PCCA: variants seen among roughly 807,000 people sequenced by gnomAD.
PCCA encodes propionyl-CoA carboxylase subunit alpha, also known as propionyl-CoA carboxylase alpha chain, mitochondrial.
PCCA carries 74 observed loss-of-function variants against 101.3 expected under a neutral mutation model. The observed-to-expected ratio is 0.73, with a 90% CI of 0.61 to 0.89. The LOEUF (loss-of-function observed/expected upper bound fraction) is 0.89. Ranked by LOEUF, PCCA falls within the 40% of genes least tolerant of loss-of-function variation. The pLI is 0.00. For synonymous variants in PCCA, 294 were observed against 313.6 expected (o/e 0.94, Z 0.66); for missense variants, 891 against 907.0 (o/e 0.98, Z 0.23).
chr13:100,286,014 C>G (rs1000526882), intron 12 of PCCA, among the ~76,000 whole-genome samples: 2 of 152,274 alleles, frequency 1.3e-5, no homozygotes, highest in East Asian at 3.9e-4. Context: ...ATGCCAGCAA[C>G]TCTTCTACAA....
chr13:100,369,936 T>G (rs1386811656), intron 19 of PCCA, among the ~76,000 whole-genome samples: 2 of 152,010 alleles, frequency 1.3e-5, no homozygotes, highest in Non-Finnish European at 2.9e-5. Flanking sequence ...AAATGTAGAG[T>G]TTAGCATAAT....
chr13:100,450,521 T>G (rs1257256286), intron 21 of PCCA, among the ~76,000 whole-genome samples: 1 of 152,218 alleles, frequency 6.6e-6, no homozygotes, highest in Non-Finnish European at 1.5e-5. Context: ...TCATGTCCTT[T>G]GGGTACCTCA....
chr13:100,527,519 A>G (rs2087944930), intron 22 of PCCA, among the ~76,000 whole-genome samples, 156 bp from the exon 23 acceptor site: 1 of 152,186 alleles, frequency 6.6e-6, no homozygotes, highest in Non-Finnish European at 1.5e-5. Flanking sequence ...CTGTTCCTAA[A>G]GATGAGCTTG....
intron 20 of PCCA, among the ~76,000 whole-genome samples, chr13:100,437,065 A>G (rs1029289706): frequency 7.2e-5 from 11 of 152,150 alleles, no homozygotes; most frequent in African/African-American, 2.7e-4. Context: ...AGTATCACCT[A>G]TTGACAAGTG....
rs368248537 is a variant in PCCA at position 100,309,930 on chromosome 13, C to T, written c.1429+22C>T. 136 of 1,563,684 alleles carry T rather than the reference C, an allele frequency of 8.7e-5. 1 individual carries two copies. In the African/African-American group the frequency reaches 1.5e-3, roughly 18 times the overall value. On this transcript the variant is annotated intron_variant, in intron 16 of 23. Coordinates refer to ENST00000376285, the MANE Select transcript of PCCA (RefSeq NM_000282.4). ...CGAGGTAAAAACAAAGATTTGCACT[C>T]GTTGGTTATTGTATATGGTGTCCAG...
intron 21 of PCCA, among the ~76,000 whole-genome samples, chr13:100,493,217 A>C (rs1203248670): frequency 6.6e-6 from 1 of 152,226 alleles, no homozygotes; most frequent in East Asian, 1.9e-4. Flanking sequence ...GGGTTTGAGC[A>C]CGTGTCGGCC....
chr13:100,224,017 G>A (rs2059982066), intron 7 of PCCA, among the ~76,000 whole-genome samples: 1 of 152,258 alleles, frequency 6.6e-6, no homozygotes, highest in Non-Finnish European at 1.5e-5. Context: ...GGCTGCAGGT[G>A]GAGCTGCCTG....
intron 14 of PCCA, among the ~76,000 whole-genome samples, chr13:100,303,833 G>A (rs1211801535): frequency 6.6e-6 from 1 of 152,078 alleles, no homozygotes; most frequent in African/African-American, 2.4e-5. Flanking sequence ...CCCTTTCTGT[G>A]CTTGGAGACT....
intron 4 of PCCA, among the ~76,000 whole-genome samples, chr13:100,117,331 A>G (rs979574416): frequency 1.3e-5 from 2 of 152,224 alleles, no homozygotes; most frequent in African/African-American, 4.8e-5. Context: ...GTTATATACC[A>G]GTATAACGGT....
At chr13:100,322,137 G>C (rs555621620) in intron 16 of PCCA, among the ~76,000 whole-genome samples, 1 of 152,292 alleles carries the variant, frequency 6.6e-6, no homozygotes, top group East Asian at 1.9e-4. Flanking sequence ...TCAGCCTCAT[G>C]AGGTCATTCA....
intron 8 of PCCA, among the ~76,000 whole-genome samples, chr13:100,254,633 G>A (rs548856947): frequency 6.6e-6 from 1 of 152,246 alleles, no homozygotes; most frequent in East Asian, 1.9e-4. Context: ...TTATCTGTGT[G>A]GATTATTCTT....
At chr13:100,273,036 A>G (rs2063401451) in intron 11 of PCCA, among the ~76,000 whole-genome samples, 160 bp from the exon 12 acceptor site, 1 of 152,248 alleles carries the variant, frequency 6.6e-6, no homozygotes, top group Non-Finnish European at 1.5e-5. Flanking sequence ...TATAGTCAAC[A>G]TATATTATAA....
intron 1 of PCCA, among the ~76,000 whole-genome samples, chr13:100,100,631 C>A (rs1208699008): frequency 6.6e-6 from 1 of 152,054 alleles, no homozygotes; most frequent in African/African-American, 2.4e-5. Context: ...TGACCTGATT[C>A]TTCATTTTTG....
intron 14 of PCCA, among the ~76,000 whole-genome samples, chr13:100,304,448 C>T (rs1250413743): frequency 6.6e-6 from 1 of 152,156 alleles, no homozygotes; most frequent in Non-Finnish European, 1.5e-5. Flanking sequence ...TTATGTATCT[C>T]CATGGTGATC....
chr13:100,495,685 C>T (rs1305409561), intron 21 of PCCA, among the ~76,000 whole-genome samples: 4 of 152,220 alleles, frequency 2.6e-5, no homozygotes, highest in African/African-American at 4.8e-5. Flanking sequence ...AATTATCACT[C>T]TGTGTAACCA....
chr13:100,397,455 T>C lies in PCCA; in HGVS notation c.1747-28178T>C, dbSNP rs141642924. 1.2e-3 allele frequency among the ~76,000 whole-genome samples: 186 copies of C among 152,256 alleles called. 1 individual carries two copies. In the East Asian group the frequency reaches 0.019, roughly 15 times the overall value. On this transcript the variant is annotated intron_variant, in intron 19 of 23. Transcript: ENST00000376285. ...TGTTCCTTTCTTTGCTTTAGACTCA[T>C]TTCTCTGAAAAAGTAATACGATGTT...
intron 21 of PCCA, among the ~76,000 whole-genome samples, chr13:100,455,106 G>T (rs571391152): frequency 6.6e-6 from 1 of 152,198 alleles, no homozygotes; most frequent in East Asian, 1.9e-4. Flanking sequence ...CATCAAAAAA[G>T]TAAAATATGT....
At chr13:100,357,750 G>T (rs572797636) in intron 18 of PCCA, among the ~76,000 whole-genome samples, 1 of 152,332 alleles carries the variant, frequency 6.6e-6, no homozygotes, top group African/African-American at 2.4e-5. Flanking sequence ...AGTCACTATT[G>T]CATGCATTAA....
intron 6 of PCCA, among the ~76,000 whole-genome samples, chr13:100,166,483 G>C (rs1176966971): frequency 6.6e-6 from 1 of 152,082 alleles, no homozygotes; most frequent in Non-Finnish European, 1.5e-5. Flanking sequence ...ATTTTTAGTA[G>C]AGACGGGATT....
Sources: allele counts gnomAD v4.1 joint callset (sites outside exome capture counted in the v4.1 genomes callset), GRCh38; gene constraint gnomAD v4.1.1; transcripts MANE v1.5; gene names NCBI Gene and HGNC (gene_info 2026-07-23, HGNC 2026-07-21).